The following DAGLA variants were observed in gnomAD, a reference collection of about 807,000 sequenced individuals.
DAGLA encodes diacylglycerol lipase-alpha.
In DAGLA, 22 loss-of-function variants were observed where a neutral mutation model predicts 102.6. The ratio of observed to expected loss-of-function variants is 0.21; its 90% CI spans 0.15 to 0.31. The LOEUF (loss-of-function observed/expected upper bound fraction) is 0.31, where lower values mean the gene tolerates loss of function less well. Ranked by LOEUF, DAGLA falls within the 10% of genes least tolerant of loss-of-function variation. The pLI is 1.00. For missense variants in DAGLA, 927 were observed against 1,446.6 expected (o/e 0.64, Z 5.83); for synonymous variants, 578 against 628.9 (o/e 0.92, Z 1.21).
Position 61,686,734 on chromosome 11 carries a change from GC to G in DAGLA, c.-45+6234del, listed in dbSNP as rs2064987856. On this transcript the variant is annotated intron_variant, in intron 1 of 19. Coordinates refer to ENST00000257215, the MANE Select transcript of DAGLA (RefSeq NM_006133.3). The surrounding 1 kb of genome is among the most constrained non-coding windows in gnomAD (Gnocchi z 5.2). ...GCTGCCTCGAATTCATCCTGAATGG[GC>G]CCCTCGTCATTGTCTCTCCTGGAGC... Among the ~76,000 whole-genome samples, 1 of 152,154 alleles carries G rather than the reference GC, an allele frequency of 6.6e-6. No homozygotes were observed. The highest frequency in any genetic ancestry group is 1.5e-5 in the Non-Finnish European group (1 of 68,032).
Position 61,735,728 on chromosome 11 carries a change from C to A in DAGLA, c.1213-11C>A, listed in dbSNP as rs778922557. 1.9e-6 allele frequency: 3 copies of A among 1,613,490 alleles called. No homozygotes were observed. The South Asian group carries it at 3.3e-5, about 18-fold the overall frequency. On this transcript the variant is annotated splice_polypyrimidine_tract_variant and intron_variant, in intron 11 of 19. Coordinates refer to ENST00000257215, the MANE Select transcript of DAGLA (RefSeq NM_006133.3). ...TTAGCCGCCCCCTCACCTGTCTCCTCTCTCCCCAAGGATGCCCTGACTGAC... is the reference window on the plus strand; with the variant it reads ...TTAGCCGCCCCCTCACCTGTCTCCTATCTCCCCAAGGATGCCCTGACTGAC...
intron 1 of DAGLA, among the ~76,000 whole-genome samples, chr11:61,715,747 A>G (rs893153468): frequency 2.6e-5 from 4 of 152,224 alleles, no homozygotes; most frequent in Admixed American, 6.5e-5. Context: ...ACATCACAGG[A>G]GGTCCCCACA....
intron 8 of DAGLA, among the ~76,000 whole-genome samples, chr11:61,730,285 G>A (rs942274897): frequency 6.6e-6 from 1 of 151,966 alleles, no homozygotes; most frequent in African/African-American, 2.4e-5. Flanking sequence ...GCAGGCAGCT[G>A]TGACTCCCAT....
intron 1 of DAGLA, among the ~76,000 whole-genome samples, chr11:61,717,484 C>G (rs572068385): frequency 2.6e-5 from 4 of 152,316 alleles, no homozygotes; most frequent in Admixed American, 2.6e-4. Context: ...CCCGCCCCAG[C>G]TAAGACAGCT....
rs1424966544 is a variant in DAGLA, at chr11:61,720,712, G to A, written c.129G>A (p.Leu43=). The change falls in exon 3 of 20, where the codon CTG becomes CTA. Residue 43 remains leucine, a synonymous_variant. Coordinates refer to ENST00000257215, the MANE Select transcript of DAGLA (RefSeq NM_006133.3). The part of the protein sequence containing the change: ...FVILSVVLFG[L]VYNPHEACSL... ...TCCTGTCCGTGGTGCTCTTCGGCCT[G>A]GTCTATAACCCGCACGAGGCCTGCT... The A allele has an allele frequency of 2.5e-6, 4 of 1,613,916 alleles. No homozygotes were observed. The East Asian group carries it at 6.7e-5, about 27-fold the overall frequency.
At chr11:61,720,031 G>T in intron 1 of DAGLA, 81 bp from the exon 2 acceptor site, 4 of 938,318 alleles carry the variant, frequency 4.3e-6, no homozygotes, top group East Asian at 2.5e-5. Context: ...ACCGGGGACT[G>T]GTCCCGTGGC....
At chr11:61,724,157 C>G (rs1173343062) in intron 5 of DAGLA, among the ~76,000 whole-genome samples, 1 of 152,078 alleles carries the variant, frequency 6.6e-6, no homozygotes, top group East Asian at 1.9e-4. Flanking sequence ...AGGAAAGCTT[C>G]CTAGAGGGGG....
intron 1 of DAGLA, among the ~76,000 whole-genome samples, chr11:61,683,017 G>T (rs1384047884): frequency 6.6e-6 from 1 of 152,184 alleles, no homozygotes; most frequent in Non-Finnish European, 1.5e-5. Flanking sequence ...ACAGTGCTTT[G>T]CTCTCTGCCA....
At position 61,744,162 on chromosome 11, in the gene DAGLA, CTGCATGGTGG is replaced by C; in HGVS notation, c.2806_2815del (p.Met936ProfsTer65). 3.1e-6 allele frequency: 5 copies of C among 1,613,094 alleles called. No homozygotes were observed. Among genetic ancestry groups the C allele is most frequent in the Non-Finnish European group, 4.2e-6 (5 of 1,179,992 alleles). ...AGAGCAGCTCCTTCCAAGACCTCTACTGCATGGTGGTGCCCGAGAGCCCCACCAGTGACTA... is the reference window on the plus strand; with the variant it reads ...AGAGCAGCTCCTTCCAAGACCTCTACTGCCCGAGAGCCCCACCAGTGACTA... On this transcript the variant is annotated frameshift_variant, in exon 20 of 20. Transcript: ENST00000257215. LOFTEE classifies it high-confidence loss of function.
chr11:61,730,781 C>A (rs1000497688), intron 8 of DAGLA, among the ~76,000 whole-genome samples: 3 of 152,218 alleles, frequency 2.0e-5, no homozygotes, highest in Non-Finnish European at 4.4e-5. Context: ...CTGGCTGAGT[C>A]AAGTTGAAGG....
chr11:61,720,102 T>C lies in DAGLA; in HGVS notation c.-44-10T>C. On this transcript the variant is annotated splice_polypyrimidine_tract_variant and intron_variant, in intron 1 of 19. Transcript: ENST00000257215. The stretch of plus-strand genomic sequence containing the variant: ...CTCAGGCAGCTATAAGGTCCTCTGC[T>C]TTCTTTCAGGAGGTGAGCACCAGGC... The C allele has an allele frequency of 6.3e-7, 1 of 1,588,432 alleles. No homozygotes were observed. Among genetic ancestry groups the C allele is most frequent in the Non-Finnish European group, 8.6e-7 (1 of 1,164,876 alleles).
intron 1 of DAGLA, among the ~76,000 whole-genome samples, chr11:61,699,874 G>C (rs946902764): frequency 1.3e-5 from 2 of 152,224 alleles, no homozygotes; most frequent in African/African-American, 4.8e-5. Flanking sequence ...TAGCTGTGCT[G>C]CTCACACCTG....
chr11:61,718,679 G>A (rs771424202), intron 1 of DAGLA, among the ~76,000 whole-genome samples: 21 of 138,392 alleles, frequency 1.5e-4, no homozygotes, highest in Non-Finnish European at 2.9e-4. Context: ...GCTGAGCTCC[G>A]ACTCCTCCTT....
Position 61,744,460 on chromosome 11 carries a change from C to A in DAGLA, c.3100C>A (p.Gln1034Lys). Residue 1034 changes from glutamine (Q) to lysine (K), a missense_variant, in exon 20 of 20, where the codon CAA (glutamine) becomes AAA (lysine). Gln to Lys is a moderately conservative substitution (Grantham distance 53). Transcript: ENST00000257215. ...PTGHGASPAK[Q>K]DELVISAR ...TGGCCACGGAGCCAGCCCCGCCAAG[C>A]AAGATGAGCTGGTCATCTCAGCACG... 6.3e-7 allele frequency: 1 copy of A among 1,584,022 alleles called. No homozygotes were observed.
At chr11:61,709,915 G>A (rs1433798288) in intron 1 of DAGLA, among the ~76,000 whole-genome samples, 1 of 152,140 alleles carries the variant, frequency 6.6e-6, no homozygotes, top group Non-Finnish European at 1.5e-5. Context: ...GGCCCACGAA[G>A]CCTCCCCACC....
At position 61,728,019 on chromosome 11, in the gene DAGLA, G is replaced by A; in HGVS notation, c.637-134G>A. On this transcript the variant is annotated intron_variant, in intron 6 of 19. Coordinates refer to ENST00000257215, the MANE Select transcript of DAGLA (RefSeq NM_006133.3). ...GCTCAGTGGGCGCTGTGGAGGTGCT[G>A]GGGAGAACCTGTCCAGGGGACCCCG... 3.0e-6 allele frequency: 3 copies of A among 995,902 alleles called. No homozygotes were observed. In the South Asian group the frequency reaches 4.4e-5, roughly 15 times the overall value. 61.7% of individuals were successfully genotyped at this position (995,902 alleles called of 1,614,324 possible).
chr11:61,728,376 C>G (rs948649526), intron 7 of DAGLA, 89 bp downstream of exon 7: 2 of 1,518,540 alleles, frequency 1.3e-6, no homozygotes, highest in Non-Finnish European at 1.8e-6. Context: ...GCGGAGGGCT[C>G]GGCTCCCACG....
intron 1 of DAGLA, among the ~76,000 whole-genome samples, chr11:61,692,072 A>G (rs1039598698): frequency 6.6e-6 from 1 of 152,174 alleles, no homozygotes; most frequent in Non-Finnish European, 1.5e-5. Context: ...GCCCTGGAGC[A>G]CACCTCACCT....
intron 1 of DAGLA, among the ~76,000 whole-genome samples, chr11:61,688,195 G>A (rs2064999838): frequency 6.6e-6 from 1 of 151,772 alleles, no homozygotes; most frequent in Admixed American, 6.6e-5. Flanking sequence ...GGTGCCTGTA[G>A]TCCCAGCTAC....
Sources: allele counts gnomAD v4.1 joint callset (sites outside exome capture counted in the v4.1 genomes callset), GRCh38; gene constraint gnomAD v4.1.1; non-coding constraint Gnocchi (gnomAD v3.1); transcripts MANE v1.5; gene names NCBI Gene and HGNC (gene_info 2026-07-23, HGNC 2026-07-21).